Variants in UPP2 observed in about 807,000 individuals in gnomAD.
UPP2 encodes the protein UPase 2.
Under a neutral mutation model 26.7 loss-of-function variants are expected in UPP2, and 23 were observed. The ratio of observed to expected loss-of-function variants is 0.86; its 90% CI spans 0.62 to 1.22. The LOEUF is 1.22. Among genes scored for constraint, UPP2 ranks in the 50% most tolerant of loss-of-function variants. The pLI is 0.00. For missense variants in UPP2, 387 were observed against 396.7 expected (o/e 0.98, Z 0.21); for synonymous variants, 127 against 141.3 (o/e 0.90, Z 0.72).
chr2:158,116,915 A>G (rs1683443495), intron 3 of UPP2, among the ~76,000 whole-genome samples: 1 of 149,310 alleles, frequency 6.7e-6, no homozygotes, highest in South Asian at 2.1e-4. Flanking sequence ...GGTAACGCAG[A>G]GGTTCGAAGT....
intron 2 of UPP2, among the ~76,000 whole-genome samples, chr2:158,002,210 AC>A (rs1683420753): frequency 6.6e-6 from 1 of 152,194 alleles, no homozygotes; most frequent in Non-Finnish European, 1.5e-5. Flanking sequence ...AAATATACAG[AC>A]AGATAAAAGT....
chr2:158,043,700 T>C (rs557348463), intron 3 of UPP2, among the ~76,000 whole-genome samples: 1 of 152,270 alleles, frequency 6.6e-6, no homozygotes, highest in South Asian at 2.1e-4. Flanking sequence ...AACACAGAAT[T>C]CATGATCTTG....
intron 4 of UPP2, among the ~76,000 whole-genome samples, chr2:158,120,322 A>G (rs1199970309): frequency 6.6e-6 from 1 of 152,076 alleles, no homozygotes; most frequent in Non-Finnish European, 1.5e-5. Context: ...ATGTAAATAA[A>G]TGGGTGTGGC....
In UPP2 at chr2:158,000,607, G is replaced by C. The variant is rs1215249314; in HGVS notation, c.61+5348G>C. Among the ~76,000 whole-genome samples the C allele has an allele frequency of 3.9e-5, 6 of 152,312 alleles. No homozygotes were observed. The East Asian group carries it at 1.2e-3, about 29-fold the overall frequency. On this transcript the variant is annotated intron_variant, in intron 2 of 9. Transcript: ENST00000605860. ...AGAGGGAAAGGTGGCCTGAAGCAAT[G>C]GTGGCTGCTATCATCATCCTTCTAG...
At position 158,008,727 on chromosome 2, in the gene UPP2, T is replaced by A. The variant is rs138815357; in HGVS notation, c.62-7074T>A. On this transcript the variant is annotated intron_variant, in intron 2 of 9. Coordinates refer to the UPP2 transcript ENST00000605860. Reference sequence around the variant, plus strand: ...CATTATTTTCTGTTTGAATAAGACCTGTAATCAGTGTTATTTACCAATCTT... The same window carrying A: ...CATTATTTTCTGTTTGAATAAGACCAGTAATCAGTGTTATTTACCAATCTT... Among the ~76,000 whole-genome samples the A allele has an allele frequency of 1.8e-3, 271 of 152,362 alleles. 2 individuals carry two copies. The highest frequency in any genetic ancestry group is 6.3e-3 in the African/African-American group (260 of 41,592).
intron 3 of UPP2, among the ~76,000 whole-genome samples, chr2:158,017,257 T>G (rs1683674146): frequency 6.6e-6 from 1 of 152,172 alleles, no homozygotes; most frequent in Non-Finnish European, 1.5e-5. Context: ...TTGTAAAACT[T>G]TTATGGAGTG....
intron 2 of UPP2, among the ~76,000 whole-genome samples, chr2:158,107,742 C>T (rs1041471985): frequency 2.0e-5 from 3 of 152,104 alleles, no homozygotes; most frequent in Non-Finnish European, 4.4e-5. Context: ...CCTTCTCCTG[C>T]TCCCTCTCTC....
chr2:158,016,443 C>T (rs928983091), intron 3 of UPP2, among the ~76,000 whole-genome samples: 2 of 151,904 alleles, frequency 1.3e-5, no homozygotes, highest in African/African-American at 2.4e-5. Flanking sequence ...TGGGTTCAAG[C>T]GATTCTCCTG....
chr2:158,007,217 C>G (rs950466992), intron 2 of UPP2, among the ~76,000 whole-genome samples: 1 of 152,140 alleles, frequency 6.6e-6, no homozygotes, highest in African/African-American at 2.4e-5. Context: ...TTCTGCGAGG[C>G]GGTGCTATCA....
chr2:158,117,563 C>G (rs936307466), intron 3 of UPP2, among the ~76,000 whole-genome samples: 1 of 151,960 alleles, frequency 6.6e-6, no homozygotes, highest in African/African-American at 2.4e-5. Context: ...CCATCCCCAC[C>G]TTCTGCTCTT....
chr2:158,083,328 T>C (rs1256168196), intron 3 of UPP2, among the ~76,000 whole-genome samples: 1 of 152,120 alleles, frequency 6.6e-6, no homozygotes, highest in African/African-American at 2.4e-5. Context: ...AATGATAGAC[T>C]GGATAAAGAA....
intron 2 of UPP2, among the ~76,000 whole-genome samples, chr2:158,002,850 G>A (rs1462474261): frequency 6.6e-6 from 1 of 152,170 alleles, no homozygotes; most frequent in East Asian, 1.9e-4. Context: ...GACATTAGTG[G>A]TGACTTTGCT....
chr2:158,098,018 T>G (rs1173088209), upstream of UPP2, among the ~76,000 whole-genome samples: 1 of 151,858 alleles, frequency 6.6e-6, no homozygotes, highest in Non-Finnish European at 1.5e-5. Flanking sequence ...TAAGGCAATG[T>G]GAGGAAAAAT....
chr2:158,003,966 A>G (rs1306581600), intron 2 of UPP2, among the ~76,000 whole-genome samples: 2 of 152,202 alleles, frequency 1.3e-5, no homozygotes, highest in Non-Finnish European at 2.9e-5. Context: ...CAAATGGAGT[A>G]TAGTACTAAT....
chr2:158,121,937 GCTGATT>G (rs1274918712), intron 5 of UPP2, among the ~76,000 whole-genome samples: 1 of 152,000 alleles, frequency 6.6e-6, no homozygotes, highest in Non-Finnish European at 1.5e-5. Flanking sequence ...AGGGAAGTAT[GCTGATT>G]CTATGTTTCT....
At chr2:158,111,636 C>T (rs754789158) in intron 2 of UPP2, among the ~76,000 whole-genome samples, 2 of 152,208 alleles carry the variant, frequency 1.3e-5, no homozygotes, top group Admixed American at 6.5e-5. Flanking sequence ...TTAAGCTCTG[C>T]TTTCCATTTC....
At chr2:158,020,264 T>G (rs1005683757) in intron 3 of UPP2, among the ~76,000 whole-genome samples, 2 of 152,252 alleles carry the variant, frequency 1.3e-5, no homozygotes, top group Non-Finnish European at 2.9e-5. Flanking sequence ...TCACTGCTCC[T>G]GTTCTTCGAC....
In UPP2 at chr2:158,121,489, G is replaced by A. The variant is rs1377178481; in HGVS notation, c.535G>A (p.Asp179Asn). The A allele has an allele frequency of 1.2e-6, 2 of 1,613,386 alleles. No individual in the cohort carries two copies. ...FKPRFEQVIL[D>N]NIVTRSTELD... ...GCCCCGGTTTGAACAGGTCATTTTG[G>A]ACAACATTGTCACCCGAAGTACTGA... is the stretch of plus-strand genomic sequence containing the variant. The change falls in exon 5 of 7, where the codon GAC (aspartate) becomes AAC (asparagine). Residue 179 changes from aspartate to asparagine, a missense_variant. Coordinates refer to ENST00000005756, the MANE Select transcript of UPP2 (RefSeq NM_173355.4).
chr2:158,062,185 G>T (rs185422689), intron 3 of UPP2, among the ~76,000 whole-genome samples: 1 of 152,326 alleles, frequency 6.6e-6, no homozygotes, highest in Admixed American at 6.5e-5. Flanking sequence ...TATGATGACG[G>T]AAACATTTTT....
Sources: allele counts gnomAD v4.1 joint callset (sites outside exome capture counted in the v4.1 genomes callset), GRCh38; gene constraint gnomAD v4.1.1; transcripts MANE v1.5; gene names NCBI Gene and HGNC (gene_info 2026-07-23, HGNC 2026-07-21).